The following RIMS1 variants were observed in gnomAD, a reference collection of about 807,000 sequenced individuals.
RIMS1 encodes regulating synaptic membrane exocytosis protein 1.
In RIMS1, 83 loss-of-function variants were observed where a neutral mutation model predicts 214.1. The ratio of observed to expected loss-of-function variants is 0.39; its 90% CI spans 0.32 to 0.47. RIMS1 has a LOEUF of 0.47. Ranked by LOEUF, RIMS1 falls within the 20% of genes least tolerant of loss-of-function variation. RIMS1 has a pLI of 0.99. For synonymous variants in RIMS1, 793 were observed against 786.8 expected (o/e 1.01, Z -0.13); for missense variants, 2,050 against 2,161.8 (o/e 0.95, Z 1.03).
chr6:72,326,967 CAG>C (rs1459757240), intron 28 of RIMS1, among the ~76,000 whole-genome samples: 3 of 151,632 alleles, frequency 2.0e-5, no homozygotes, highest in Non-Finnish European at 3.0e-5. Context: ...CCTTTGATGA[CAG>C]AGGAAGGGGC....
At chr6:72,330,781 TGATTA>T (rs1333487226) in intron 28 of RIMS1, among the ~76,000 whole-genome samples, 1 of 151,798 alleles carries the variant, frequency 6.6e-6, no homozygotes, top group Non-Finnish European at 1.5e-5. Flanking sequence ...ATCTTCAGAT[TGATTA>T]GATTAATCTG....
intron 4 of RIMS1, among the ~76,000 whole-genome samples, chr6:72,153,351 G>C (rs973454788): frequency 6.6e-6 from 1 of 151,334 alleles, no homozygotes; most frequent in Non-Finnish European, 1.5e-5. Context: ...TTTTTTTTCA[G>C]TATAGAGCAA....
intron 6 of RIMS1, among the ~76,000 whole-genome samples, chr6:72,206,244 C>A (rs947306922): frequency 6.6e-6 from 1 of 152,116 alleles, no homozygotes; most frequent in Non-Finnish European, 1.5e-5. Context: ...CATTTCATTT[C>A]TATCATTTAA....
At chr6:72,320,077 A>G (rs1265305982) in intron 28 of RIMS1, among the ~76,000 whole-genome samples, 2 of 152,124 alleles carry the variant, frequency 1.3e-5, no homozygotes, top group African/African-American at 2.4e-5. Context: ...TCGAATTTTG[A>G]TTACTAATAT....
intron 31 of RIMS1, among the ~76,000 whole-genome samples, chr6:72,396,659 A>G (rs548184029): frequency 1.4e-4 from 22 of 152,284 alleles, no homozygotes; most frequent in African/African-American, 5.3e-4. Flanking sequence ...ATCAACTTGG[A>G]TGGATATCTA....
chr6:72,019,573 C>G (rs1031279629), intron 2 of RIMS1, among the ~76,000 whole-genome samples: 2 of 152,158 alleles, frequency 1.3e-5, no homozygotes, highest in Non-Finnish European at 2.9e-5. Context: ...ATAGACTAAT[C>G]AAATGTGGAT....
intron 2 of RIMS1, among the ~76,000 whole-genome samples, chr6:71,991,879 C>G (rs1044791290): frequency 2.6e-5 from 4 of 152,138 alleles, no homozygotes; most frequent in African/African-American, 9.7e-5. Flanking sequence ...GCCTGGCTAA[C>G]ATGGTGAAAC....
chr6:72,001,525 C>G (rs369682068), intron 2 of RIMS1, among the ~76,000 whole-genome samples: 19 of 152,124 alleles, frequency 1.2e-4, no homozygotes, highest in African/African-American at 4.1e-4. Flanking sequence ...CCATATACAC[C>G]TGAATGTGCT....
At chr6:72,074,157 T>C (rs2152314827) in intron 2 of RIMS1, among the ~76,000 whole-genome samples, 1 of 152,280 alleles carries the variant, frequency 6.6e-6, no homozygotes, top group South Asian at 2.1e-4. Flanking sequence ...TGACCCACTC[T>C]CCATTTGCCC....
At chr6:72,321,525 A>G (rs1376865306) in intron 28 of RIMS1, among the ~76,000 whole-genome samples, 6 of 152,098 alleles carry the variant, frequency 3.9e-5, no homozygotes, top group Non-Finnish European at 8.8e-5. Context: ...TTTTAACAGA[A>G]TAATTATATG....
intron 2 of RIMS1, among the ~76,000 whole-genome samples, chr6:72,028,196 A>G (rs1817074375): frequency 6.6e-6 from 1 of 152,104 alleles, no homozygotes; most frequent in South Asian, 2.1e-4. Context: ...AATTTAGTAA[A>G]AAGAATCATG....
chr6:72,326,617 A>G (rs1441958503), intron 28 of RIMS1, among the ~76,000 whole-genome samples: 1 of 151,758 alleles, frequency 6.6e-6, no homozygotes. Context: ...AATTGATGGC[A>G]TGTCATCGTT....
intron 2 of RIMS1, among the ~76,000 whole-genome samples, chr6:71,985,241 A>G (rs1217342013): frequency 6.6e-6 from 1 of 151,954 alleles, no homozygotes; most frequent in Non-Finnish European, 1.5e-5. Context: ...AAAATAAAAC[A>G]TTAGCCAGGC....
intron 2 of RIMS1, among the ~76,000 whole-genome samples, chr6:71,977,518 C>T (rs1258847153): frequency 6.6e-6 from 1 of 152,028 alleles, no homozygotes; most frequent in Non-Finnish European, 1.5e-5. Context: ...ATCTAAACAA[C>T]AAACAAAAAT....
At chr6:72,320,780 A>T (rs969028527) in intron 28 of RIMS1, among the ~76,000 whole-genome samples, 5 of 152,024 alleles carry the variant, frequency 3.3e-5, no homozygotes, top group Non-Finnish European at 5.9e-5. Flanking sequence ...TGTCCAGGGA[A>T]ATATATATTA....
chr6:72,214,754 C>T (rs1317789361), intron 6 of RIMS1, among the ~76,000 whole-genome samples: 2 of 151,686 alleles, frequency 1.3e-5, no homozygotes, highest in Non-Finnish European at 2.9e-5. Flanking sequence ...TGGAATCTTG[C>T]TCTGTCACCC....
At chr6:72,046,886 T>C (rs1054592960) in intron 2 of RIMS1, among the ~76,000 whole-genome samples, 3 of 152,066 alleles carry the variant, frequency 2.0e-5, no homozygotes, top group African/African-American at 7.2e-5. Flanking sequence ...ACTACAATAA[T>C]ACAAATAAAT....
intron 29 of RIMS1, among the ~76,000 whole-genome samples, chr6:72,352,863 C>A (rs892088006): frequency 6.6e-6 from 1 of 152,004 alleles, no homozygotes; most frequent in Non-Finnish European, 1.5e-5. Context: ...ACTTAGCAAC[C>A]ACTTACTATG....
intron 2 of RIMS1, among the ~76,000 whole-genome samples, chr6:72,040,792 A>C (rs1047698659): frequency 6.6e-6 from 1 of 151,776 alleles, no homozygotes; most frequent in African/African-American, 2.4e-5. Flanking sequence ...ACTTTTGTTT[A>C]CTCTTGATTT....
Sources: allele counts gnomAD v4.1 joint callset (sites outside exome capture counted in the v4.1 genomes callset), GRCh38; gene constraint gnomAD v4.1.1; transcripts MANE v1.5; gene names NCBI Gene and HGNC (gene_info 2026-07-23, HGNC 2026-07-21).